Variants in SORBS2 observed in about 807,000 individuals in gnomAD.
The protein encoded by SORBS2 is sorbin and SH3 domain-containing protein 2.
A neutral mutation model predicts 97.7 loss-of-function variants in SORBS2; 46 were observed. The observed-to-expected ratio is 0.47, with a 90% CI of 0.37 to 0.60. The LOEUF (loss-of-function observed/expected upper bound fraction) is 0.60. Ranked by LOEUF, SORBS2 falls within the 20% of genes least tolerant of loss-of-function variation. SORBS2 has a pLI of 0.00. For missense variants in SORBS2, 1,316 were observed against 1,282.3 expected (o/e 1.03, Z -0.40); for synonymous variants, 476 against 473.4 (o/e 1.01, Z -0.07).
chr4:185,686,227 T>C lies in SORBS2; in HGVS notation c.-197-7405A>G, dbSNP rs145022629. 5.3e-5 allele frequency among the ~76,000 whole-genome samples: 8 copies of C among 152,294 alleles called. No homozygotes were observed. In the East Asian group the frequency reaches 1.5e-3, roughly 29 times the overall value. The stretch of plus-strand genomic sequence containing the variant: ...TTTCATAAGGAAAGTATCAAGTTTG[T>C]TTATTGGACATGACAGAATTTAGAT... On this transcript the variant is annotated intron_variant, in intron 2 of 20. Coordinates refer to the SORBS2 transcript ENST00000284776.
At chr4:185,926,427 A>G (rs2099263731) in intron 1 of SORBS2, among the ~76,000 whole-genome samples, 1 of 151,854 alleles carries the variant, frequency 6.6e-6, no homozygotes. Flanking sequence ...GAATTGGACA[A>G]TTTTTGGTAT....
intron 1 of SORBS2, among the ~76,000 whole-genome samples, chr4:185,781,816 C>A (rs2099032464): frequency 6.6e-6 from 1 of 152,296 alleles, no homozygotes; most frequent in South Asian, 2.1e-4. Context: ...CATGCAGCCT[C>A]CAGCTTTCAC....
rs184633299 is a variant in SORBS2, at chr4:185,708,598, A to G, written c.-197-29776T>C. The stretch of plus-strand genomic sequence containing the variant: ...GTAAATGACTTCATATACATTTGGC[A>G]TAAGGCTAATGAGCTATTTTTAGTT... On this transcript the variant is annotated intron_variant, in intron 2 of 20. Coordinates refer to the SORBS2 transcript ENST00000284776. 2.8e-4 allele frequency among the ~76,000 whole-genome samples: 42 copies of G among 152,364 alleles called. No homozygotes were observed. In the East Asian group the frequency reaches 7.1e-3, roughly 26 times the overall value.
chr4:185,801,216 T>C (rs574802988), intron 1 of SORBS2, among the ~76,000 whole-genome samples: 32 of 152,374 alleles, frequency 2.1e-4, no homozygotes, highest in Admixed American at 1.8e-3. Context: ...TTTTCTTCTT[T>C]TTTAGGGCTG....
At chr4:185,691,783 C>T (rs370223536) in intron 2 of SORBS2, among the ~76,000 whole-genome samples, 3 of 151,814 alleles carry the variant, frequency 2.0e-5, no homozygotes, top group African/African-American at 2.4e-5. Flanking sequence ...CTCGCTCTGT[C>T]GCCCAGGCTG....
chr4:185,723,747 G>C (rs2098534831), intron 2 of SORBS2, among the ~76,000 whole-genome samples: 1 of 152,144 alleles, frequency 6.6e-6, no homozygotes, highest in South Asian at 2.1e-4. Flanking sequence ...TATCTCTGTG[G>C]AGTTGAGGAA....
In SORBS2 at chr4:185,894,939, G is replaced by GA. The variant is rs1222566288; in HGVS notation, c.-338+61256dup. On this transcript the variant is annotated intron_variant, in intron 1 of 20. Transcript: ENST00000284776. ...ACGGGGAGCCAGTGACTGAGCCGGG[G>GA]ATGCCTCCTGACACCCCGGCTGGGC... 2.0e-5 allele frequency among the ~76,000 whole-genome samples: 3 copies of GA among 152,182 alleles called. No homozygotes were observed. In the East Asian group the frequency reaches 5.8e-4, roughly 29 times the overall value.
At chr4:185,914,535 T>G (rs763476652) in intron 1 of SORBS2, among the ~76,000 whole-genome samples, 1 of 152,264 alleles carries the variant, frequency 6.6e-6, no homozygotes. Context: ...TAACAGTTTA[T>G]AAAGGTGCAA....
chr4:185,877,295 T>G lies in SORBS2; in HGVS notation c.-338+78901A>C, dbSNP rs1392763050. Among the ~76,000 whole-genome samples, 3 of 151,066 alleles carry G rather than the reference T, an allele frequency of 2.0e-5. No individual in the cohort carries two copies. In the South Asian group the frequency reaches 6.3e-4, roughly 31 times the overall value. On this transcript the variant is annotated intron_variant, in intron 1 of 20. Coordinates refer to the SORBS2 transcript ENST00000284776. ...GCTGATCTTAAAAAACATTAAAGGT[T>G]GTTTTTTTTAAAAGAGCCAAAGTAA...
intron 1 of SORBS2, among the ~76,000 whole-genome samples, chr4:185,804,225 C>G (rs142323305): frequency 1.5e-3 from 230 of 152,320 alleles, no homozygotes; most frequent in African/African-American, 5.2e-3. Context: ...TCACATGGAA[C>G]CACACGCAGG....
chr4:185,766,096 C>T (rs2098932616), intron 2 of SORBS2, among the ~76,000 whole-genome samples: 1 of 152,206 alleles, frequency 6.6e-6, no homozygotes, highest in South Asian at 2.1e-4. Context: ...CTGCCCTTTA[C>T]AAACAGAGGG....
chr4:185,824,337 G>T (rs1275042253), intron 1 of SORBS2, among the ~76,000 whole-genome samples: 2 of 152,154 alleles, frequency 1.3e-5, no homozygotes, highest in African/African-American at 4.8e-5. Flanking sequence ...TCTGTGTACA[G>T]ATTTCTCTTT....
chr4:185,916,362 A>G, intron 1 of SORBS2, among the ~76,000 whole-genome samples: 1 of 152,216 alleles, frequency 6.6e-6, no homozygotes. Context: ...AGGTGGGAGC[A>G]TGGCTTGCAG....
intron 1 of SORBS2, among the ~76,000 whole-genome samples, chr4:185,786,119 G>A (rs2099055240): frequency 6.6e-6 from 1 of 152,092 alleles, no homozygotes. Flanking sequence ...ATTTATTTCA[G>A]ATAGCTCACA....
intron 1 of SORBS2, among the ~76,000 whole-genome samples, chr4:185,803,778 A>G (rs1561131002): frequency 3.3e-5 from 5 of 152,358 alleles, no homozygotes; most frequent in African/African-American, 1.2e-4. Flanking sequence ...CAGAACACAT[A>G]TCATATAAAA....
At chr4:185,694,270 AG>A (rs1482952302) in intron 2 of SORBS2, among the ~76,000 whole-genome samples, 1 of 152,252 alleles carries the variant, frequency 6.6e-6, no homozygotes, top group Non-Finnish European at 1.5e-5. Flanking sequence ...TATTCTGGAA[AG>A]CATCAAATTC....
chr4:185,766,816 T>C (rs2098936596), intron 2 of SORBS2, among the ~76,000 whole-genome samples: 2 of 152,250 alleles, frequency 1.3e-5, no homozygotes, highest in Non-Finnish European at 2.9e-5. Context: ...GGGGTCACAG[T>C]AGCCAACATG....
intron 1 of SORBS2, among the ~76,000 whole-genome samples, chr4:185,864,880 C>G (rs1418503197): frequency 6.6e-6 from 1 of 151,076 alleles, no homozygotes; most frequent in African/African-American, 2.5e-5. Flanking sequence ...CCACTGCACT[C>G]CAGCCTGGGC....
intron 1 of SORBS2, among the ~76,000 whole-genome samples, chr4:185,934,182 A>G (rs1295656011): frequency 6.6e-6 from 1 of 152,178 alleles, no homozygotes; most frequent in Non-Finnish European, 1.5e-5. Flanking sequence ...ATAATATAGC[A>G]ATTCGAACAC....
Sources: gnomAD v4.1 joint callset for allele counts (sites outside exome capture counted in the v4.1 genomes callset) on GRCh38, gnomAD v4.1.1 for gene constraint, MANE v1.5 for transcripts, NCBI Gene and HGNC (gene_info 2026-07-23, HGNC 2026-07-21) for gene names.